Variants in HSD17B12 observed in about 807,000 individuals in gnomAD.
HSD17B12 encodes the protein very-long-chain 3-oxoacyl-CoA reductase.
Under a neutral mutation model 39.3 loss-of-function variants are expected in HSD17B12, and 32 were observed. The ratio of observed to expected loss-of-function variants is 0.81; its 90% CI spans 0.61 to 1.09. The LOEUF (loss-of-function observed/expected upper bound fraction) is 1.09. Ranked by LOEUF, HSD17B12 falls within the 50% of genes least tolerant of loss-of-function variation. The probability of loss-of-function intolerance (pLI) is 0.00; values close to 1 mark genes in which losing one functional copy is unlikely to be tolerated. For synonymous variants in HSD17B12, 150 were observed against 146.7 expected (o/e 1.02, Z -0.16); for missense variants, 342 against 382.9 (o/e 0.89, Z 0.89).
At chr11:43,809,291 C>A (rs992637331) in intron 4 of HSD17B12, among the ~76,000 whole-genome samples, 3 of 152,050 alleles carry the variant, frequency 2.0e-5, no homozygotes, top group African/African-American at 4.8e-5. Context: ...ATTACTATCC[C>A]CATTTTATGT....
chr11:43,626,513 A>T, the HSD17B12 span, among the ~76,000 whole-genome samples: 2 of 151,926 alleles, frequency 1.3e-5, no homozygotes, highest in African/African-American at 4.8e-5. Flanking sequence ...TAAATGTTTT[A>T]GTAGCAAGAA....
At chr11:43,714,497 A>G (rs998379093) in intron 1 of HSD17B12, among the ~76,000 whole-genome samples, 11 of 152,282 alleles carry the variant, frequency 7.2e-5, no homozygotes, top group African/African-American at 2.6e-4. Context: ...CTGTTTTGGT[A>G]CCAGTATCAT....
At chr11:43,822,854 A>G (rs1244456295) in intron 6 of HSD17B12, among the ~76,000 whole-genome samples, 4 of 152,126 alleles carry the variant, frequency 2.6e-5, no homozygotes, top group African/African-American at 9.7e-5. Context: ...CCCAGTAATG[A>G]GATGGCTGGG....
chr11:43,557,904 G>A, the HSD17B12 span, among the ~76,000 whole-genome samples: 1 of 152,104 alleles, frequency 6.6e-6, no homozygotes, highest in African/African-American at 2.4e-5. Flanking sequence ...AATGGGGCAG[G>A]GGCTTGCAGA....
At chr11:43,607,348 G>A in the HSD17B12 span, among the ~76,000 whole-genome samples, 1,665 of 151,540 alleles carry the variant, frequency 0.011, 18 homozygotes, top group Middle Eastern at 0.024. Context: ...ATAAATGCCC[G>A]AGAACCACAA....
chr11:43,690,361 CATATATATATAT>C (rs61646858), intron 1 of HSD17B12, among the ~76,000 whole-genome samples: 45 of 39,378 alleles, frequency 1.1e-3, no homozygotes, highest in African/African-American at 1.3e-3. Context: ...GGTATTCATA[CATATATATATAT>C]ATATATATAT....
At chr11:43,811,589 T>A (rs936860333) in intron 4 of HSD17B12, among the ~76,000 whole-genome samples, 2 of 152,188 alleles carry the variant, frequency 1.3e-5, no homozygotes, top group Admixed American at 1.3e-4. Context: ...CTCTTTTTTT[T>A]AACAGATACA....
At chr11:43,609,147 C>T in the HSD17B12 span, among the ~76,000 whole-genome samples, 1 of 151,442 alleles carries the variant, frequency 6.6e-6, no homozygotes, top group African/African-American at 2.4e-5. Flanking sequence ...GTCATGTTGT[C>T]CAGACTGGTC....
chr11:43,823,250 CTCTT>C (rs377278830), intron 6 of HSD17B12, among the ~76,000 whole-genome samples: 2 of 151,628 alleles, frequency 1.3e-5, no homozygotes, highest in African/African-American at 4.8e-5. Flanking sequence ...CATTTTTAGA[CTCTT>C]TCTTTCTTTC....
intron 4 of HSD17B12, among the ~76,000 whole-genome samples, chr11:43,805,655 A>T (rs759738229): frequency 2.6e-5 from 4 of 152,166 alleles, no homozygotes; most frequent in African/African-American, 4.8e-5. Flanking sequence ...TGTTTGGGAA[A>T]AGGGCAGGAT....
rs374715251 is a variant in HSD17B12 at position 43,768,656 on chromosome 11, A to T, written c.283+14535A>T. Among the ~76,000 whole-genome samples the T allele has an allele frequency of 1.8e-3, 271 of 152,306 alleles. 1 individual carries two copies. Among genetic ancestry groups the T allele is most frequent in the African/African-American group, 6.2e-3 (259 of 41,570 alleles). On this transcript the variant is annotated intron_variant, in intron 3 of 10. Coordinates refer to ENST00000278353, the MANE Select transcript of HSD17B12 (RefSeq NM_016142.3). ...GATTGAAGCCACAGACCTCACTGCG[A>T]GTGTTACAGCTCTTAAAGGTGGTGT...
chr11:43,758,595 T>C (rs1950531500), intron 3 of HSD17B12, among the ~76,000 whole-genome samples: 1 of 152,210 alleles, frequency 6.6e-6, no homozygotes, highest in South Asian at 2.1e-4. Flanking sequence ...CATAAAACTT[T>C]TTACTGGGGC....
At chr11:43,840,833 A>G (rs1206439341) in intron 9 of HSD17B12, among the ~76,000 whole-genome samples, 2 of 152,212 alleles carry the variant, frequency 1.3e-5, no homozygotes, top group African/African-American at 4.8e-5. Flanking sequence ...TAATATGAGC[A>G]TGAGTGTACA....
the HSD17B12 span, chr11:43,645,196 A>C: frequency 2.0e-5 from 3 of 152,342 alleles, no homozygotes; most frequent in East Asian, 5.8e-4. Context: ...AATGTCGTGT[A>C]TCACAATCTC....
At chr11:43,742,349 C>CCAGGCTGGTCTTGAACT (rs1950375855) in intron 1 of HSD17B12, among the ~76,000 whole-genome samples, 1 of 151,104 alleles carries the variant, frequency 6.6e-6, no homozygotes, top group African/African-American at 2.4e-5. Flanking sequence ...GCTATGTTGC[C>CCAGGCTGGTCTTGAACT]CAGGCTGGTC....
chr11:43,628,493 A>G, the HSD17B12 span, among the ~76,000 whole-genome samples: 1 of 152,182 alleles, frequency 6.6e-6, no homozygotes, highest in Admixed American at 6.5e-5. Context: ...ATTGTGTACT[A>G]ATACAGATTT....
At chr11:43,824,867 G>C (rs12790591) in intron 6 of HSD17B12, among the ~76,000 whole-genome samples, 1 of 151,914 alleles carries the variant, frequency 6.6e-6, no homozygotes, top group South Asian at 2.1e-4. Context: ...ATGGTGGCAC[G>C]TGCCTGTAAT....
intron 3 of HSD17B12, among the ~76,000 whole-genome samples, chr11:43,778,407 T>C (rs1450935497): frequency 7.2e-5 from 11 of 152,100 alleles, no homozygotes; most frequent in Non-Finnish European, 1.6e-4. Flanking sequence ...ACCAGAGGTA[T>C]AAGGAGGAAC....
the HSD17B12 span, among the ~76,000 whole-genome samples, chr11:43,585,423 G>T: frequency 6.6e-6 from 1 of 152,160 alleles, no homozygotes; most frequent in Non-Finnish European, 1.5e-5. Context: ...TGAGCCAAAT[G>T]TGGGAAGCTG....
Sources: gnomAD v4.1 joint callset for allele counts (sites outside exome capture counted in the v4.1 genomes callset) on GRCh38, gnomAD v4.1.1 for gene constraint, MANE v1.5 for transcripts, NCBI Gene and HGNC (gene_info 2026-07-23, HGNC 2026-07-21) for gene names.